IMMP2L: variants seen among roughly 807,000 people sequenced by gnomAD.
IMMP2L encodes inner mitochondrial membrane peptidase subunit 2, also known as mitochondrial inner membrane protease subunit 2.
A neutral mutation model predicts 19.3 loss-of-function variants in IMMP2L; 18 were observed. That is an observed-to-expected ratio of 0.93 (90% CI 0.64 to 1.38). The LOEUF (loss-of-function observed/expected upper bound fraction) is 1.38, where lower values mean the gene tolerates loss of function less well. Ranked by LOEUF, IMMP2L falls within the 40% of genes most tolerant of loss-of-function variation. IMMP2L has a pLI of 0.00. For synonymous variants in IMMP2L, 76 were observed against 73.0 expected (o/e 1.04, Z -0.21); for missense variants, 233 against 218.2 (o/e 1.07, Z -0.43).
chr7:110,719,396 C>G (rs1795431827), intron 5 of IMMP2L, among the ~76,000 whole-genome samples: 1 of 152,000 alleles, frequency 6.6e-6, no homozygotes, highest in Admixed American at 6.6e-5. Context: ...ATTTTAGTTA[C>G]TCATGTAATA....
intron 3 of IMMP2L, among the ~76,000 whole-genome samples, chr7:110,991,634 T>C (rs1226882337): frequency 6.6e-6 from 1 of 152,130 alleles, no homozygotes; most frequent in Admixed American, 6.6e-5. Flanking sequence ...AATCTACTTT[T>C]TGAAAGACAC....
At chr7:110,714,505 T>A (rs1333683369) in intron 5 of IMMP2L, among the ~76,000 whole-genome samples, 2 of 152,196 alleles carry the variant, frequency 1.3e-5, no homozygotes, top group African/African-American at 4.8e-5. Context: ...TTCCTTTTTT[T>A]AATAGTTTCA....
intron 3 of IMMP2L, chr7:111,122,941 G>T (rs981692608): frequency 1.2e-6 from 2 of 1,614,008 alleles, no homozygotes; most frequent in Non-Finnish European, 1.7e-6. Flanking sequence ...GGATTGTAAT[G>T]ATTTAGGTCT....
At chr7:111,427,163 G>A (rs1836162962) in intron 3 of IMMP2L, among the ~76,000 whole-genome samples, 1 of 151,624 alleles carries the variant, frequency 6.6e-6, no homozygotes, top group African/African-American at 2.4e-5. Flanking sequence ...ATCTGTTAGT[G>A]GCTGAGGATA....
Position 110,728,540 on chromosome 7 carries a change from C to T in IMMP2L, c.409-64819G>A, listed in dbSNP as rs190563557. ...TAAAATAAAATAACAATATTAAAGG[C>T]CCCTTTTGACCCACCTTACCTGCAA... is the stretch of plus-strand genomic sequence containing the variant. On this transcript the variant is annotated intron_variant, in intron 5 of 5. Coordinates refer to ENST00000405709, the MANE Select transcript of IMMP2L (RefSeq NM_032549.4). The surrounding 1 kb of genome is among the most constrained non-coding windows in gnomAD (Gnocchi z 4.6). 2.0e-5 allele frequency among the ~76,000 whole-genome samples: 3 copies of T among 152,120 alleles called. No individual in the cohort carries two copies. Among genetic ancestry groups the T allele is most frequent in the East Asian group, 1.9e-4 (1 of 5,170 alleles).
intron 2 of IMMP2L, among the ~76,000 whole-genome samples, chr7:111,497,199 T>G (rs1252152929): frequency 6.6e-6 from 1 of 152,148 alleles, no homozygotes; most frequent in Non-Finnish European, 1.5e-5. Context: ...CTTTATAAAC[T>G]ATCAACAAGG....
At chr7:111,375,922 A>C (rs2131159784) in intron 3 of IMMP2L, among the ~76,000 whole-genome samples, 1 of 152,250 alleles carries the variant, frequency 6.6e-6, no homozygotes, top group South Asian at 2.1e-4. Context: ...CAGAGCAAAA[A>C]CAATAACAAT....
chr7:110,977,890 T>C (rs1820869807), intron 3 of IMMP2L, among the ~76,000 whole-genome samples: 2 of 152,200 alleles, frequency 1.3e-5, no homozygotes, highest in South Asian at 4.1e-4. Context: ...CGTAGCTAAA[T>C]GTATTCATAC....
At chr7:111,096,112 T>C (rs1221014957) in intron 3 of IMMP2L, among the ~76,000 whole-genome samples, 1 of 152,076 alleles carries the variant, frequency 6.6e-6, no homozygotes, top group Admixed American at 6.6e-5. Context: ...TAATTGTGAA[T>C]ATTTGTTTAA....
At chr7:111,450,896 G>A (rs1350354166) in intron 3 of IMMP2L, among the ~76,000 whole-genome samples, 18 of 151,632 alleles carry the variant, frequency 1.2e-4, no homozygotes, top group Middle Eastern at 3.4e-3. Flanking sequence ...AAAAGTGGGC[G>A]AGGGACATGA....
At chr7:111,216,667 C>T (rs946272251) in intron 3 of IMMP2L, among the ~76,000 whole-genome samples, 12 of 152,020 alleles carry the variant, frequency 7.9e-5, no homozygotes, top group Admixed American at 7.2e-4. Context: ...GAATTTTGTA[C>T]CCTTAAAGTG....
chr7:111,178,650 C>A (rs1290560538), intron 3 of IMMP2L, among the ~76,000 whole-genome samples: 3 of 152,100 alleles, frequency 2.0e-5, no homozygotes, highest in Non-Finnish European at 4.4e-5. Flanking sequence ...GTGTTCACAG[C>A]AACTTCACTA....
rs986739333 is a variant in IMMP2L at position 110,789,037 on chromosome 7, G to A, written c.408+97556C>T. 7.9e-5 allele frequency among the ~76,000 whole-genome samples: 12 copies of A among 151,868 alleles called. No individual in the cohort carries two copies. The East Asian group carries it at 1.4e-3, about 17-fold the overall frequency. ...TCCAAACTCACTTGCCTGGAAAGAC[G>A]ACCTGGGGAAGCTGTGTGTAGGTGT... On this transcript the variant is annotated intron_variant, in intron 5 of 5. Coordinates refer to ENST00000405709, the MANE Select transcript of IMMP2L (RefSeq NM_032549.4).
intron 3 of IMMP2L, among the ~76,000 whole-genome samples, chr7:110,971,103 T>G (rs910681901): frequency 6.6e-6 from 1 of 152,094 alleles, no homozygotes; most frequent in Non-Finnish European, 1.5e-5. Context: ...GAACTGAGGT[T>G]GGGACCTTTA....
At chr7:111,164,181 CAGGA>C (rs1586646827) in intron 3 of IMMP2L, among the ~76,000 whole-genome samples, 1 of 151,474 alleles carries the variant, frequency 6.6e-6, no homozygotes, top group Non-Finnish European at 1.5e-5. Context: ...GGCAGAAAGG[CAGGA>C]AGGCAGGCAG....
Position 111,123,963 on chromosome 7 carries a change from G to C in IMMP2L, c.240-160398C>G. On this transcript the variant is annotated intron_variant, in intron 3 of 5. Transcript: ENST00000405709. This position sits in a 1 kb window ranked among gnomAD's most constrained non-coding sequence, Gnocchi z 6.4. ...TGGAGCCAGATTCACTGTTTTGCGT[G>C]GACCCACCTGAATTCCAAGGTCAGA... The C allele has an allele frequency of 6.2e-7, 1 of 1,614,002 alleles. No homozygotes were observed. The highest frequency in any genetic ancestry group is 8.5e-7 in the Non-Finnish European group (1 of 1,179,986).
intron 3 of IMMP2L, among the ~76,000 whole-genome samples, chr7:111,435,516 G>A (rs917585059): frequency 6.6e-6 from 1 of 151,854 alleles, no homozygotes. Context: ...GGACACTGCA[G>A]ACTCCAAAAG....
intron 3 of IMMP2L, among the ~76,000 whole-genome samples, chr7:111,206,409 C>G (rs1459372293): frequency 6.6e-6 from 1 of 152,186 alleles, no homozygotes; most frequent in East Asian, 1.9e-4. Context: ...TCCCCCAAAT[C>G]AGCATCTCGA....
intron 3 of IMMP2L, among the ~76,000 whole-genome samples, chr7:111,272,787 G>C (rs973307920): frequency 2.0e-5 from 3 of 152,088 alleles, no homozygotes; most frequent in African/African-American, 7.2e-5. Flanking sequence ...CAGACTCTAG[G>C]ACCAAAATTG....
Sources: gnomAD v4.1 joint callset for allele counts (sites outside exome capture counted in the v4.1 genomes callset) on GRCh38, gnomAD v4.1.1 for gene constraint, Gnocchi (gnomAD v3.1) non-coding constraint, MANE v1.5 for transcripts, NCBI Gene and HGNC (gene_info 2026-07-23, HGNC 2026-07-21) for gene names.